Variants in ALOX12 observed in about 807,000 individuals in gnomAD.
ALOX12 encodes the protein arachidonate 12-lipoxygenase, 12S type.
In ALOX12, 62 loss-of-function variants were observed where a neutral mutation model predicts 85.5. The observed-to-expected ratio is 0.73, with a 90% CI of 0.59 to 0.90. ALOX12 has a LOEUF of 0.90. Ranked by LOEUF, ALOX12 falls within the 40% of genes least tolerant of loss-of-function variation. ALOX12 has a pLI of 0.00. For missense variants in ALOX12, 751 were observed against 856.5 expected, an observed-to-expected ratio of 0.88 and a Z score of 1.54; for synonymous variants, 299 against 332.7, an observed-to-expected ratio of 0.90 and a Z score of 1.10.
At position 7,000,008 on chromosome 17, in the gene ALOX12, C is replaced by T. The variant is rs958726967; in HGVS notation, c.808-328C>T. Among the ~76,000 whole-genome samples, 11 of 152,258 alleles carry T rather than the reference C, an allele frequency of 7.2e-5. No homozygotes were observed. The highest frequency in any genetic ancestry group is 2.6e-4 in the African/African-American group (11 of 41,538). ...GAGCTGATAGGAGCCAAAACCAGAG[C>T]GCAGACCATTCGGGAATGATCAGAA... On this transcript the variant is annotated intron_variant, in intron 6 of 13. Coordinates refer to ENST00000251535, the MANE Select transcript of ALOX12 (RefSeq NM_000697.3). This position sits in a 1 kb window ranked among gnomAD's most constrained non-coding sequence, Gnocchi z 4.6.
intron 8 of ALOX12, chr17:7,002,672 G>A: frequency 2.9e-6 from 1 of 345,994 alleles, no homozygotes; most frequent in Non-Finnish European, 5.7e-6. Flanking sequence ...AAAACAGTGA[G>A]TTCCATATAT....
chr17:7,002,555 A>G, intron 8 of ALOX12: 1 of 468,344 alleles, frequency 2.1e-6, no homozygotes, highest in Non-Finnish European at 4.4e-6. Context: ...TGGGTGGCCA[A>G]AGCAGTATGA....
In ALOX12 at chr17:7,010,556, G is replaced by A; in HGVS notation, c.*133G>A. On this transcript the variant is annotated 3_prime_UTR_variant, in exon 14 of 14. Coordinates refer to ENST00000251535, the MANE Select transcript of ALOX12 (RefSeq NM_000697.3). ...TCCCCCAGTTAAACCCCCTACATTA[G>A]TATCCCACTAGCCCAGGGGAGCAGT... 1 of 1,111,710 alleles carries A rather than the reference G, an allele frequency of 9.0e-7. No homozygotes were observed. Among genetic ancestry groups the A allele is most frequent in the Non-Finnish European group, 1.2e-6 (1 of 803,668 alleles). 68.9% of individuals were successfully genotyped at this position (1,111,710 alleles called of 1,614,324 possible). A position where few individuals can be genotyped will look rare whatever the true frequency, so the allele number is the denominator to read the frequency against.
In ALOX12 at chr17:7,006,023, G is replaced by A. The variant is rs1256589488; in HGVS notation, c.1414G>A (p.Ala472Thr). 1.4e-6 allele frequency: 2 copies of A among 1,397,548 alleles called. No individual in the cohort carries two copies. The highest frequency in any genetic ancestry group is 3.9e-5 in the Admixed American group (2 of 51,756). 86.6% of individuals were successfully genotyped at this position (1,397,548 alleles called of 1,614,324 possible). Residue 472 changes from alanine (A) to threonine (T), a missense_variant, in exon 10 of 14, where the codon GCC (alanine) becomes ACC (threonine). Ala to Thr is a moderately conservative substitution (Grantham distance 58). Transcript: ENST00000251535. ...TGCTTTACGGCTCTGGGAGATCATT[G>A]CCAGGTGAGTAAGGAGGAGCTGAGA... ...HDALRLWEII[A>T]RYVEGIVHLF...
intron 11 of ALOX12, among the ~76,000 whole-genome samples, chr17:7,007,010 C>T (rs946579379): frequency 8.5e-5 from 13 of 152,170 alleles, no homozygotes; most frequent in African/African-American, 3.1e-4. Flanking sequence ...CACAAGGACC[C>T]ACCCTGGCTT....
At chr17:7,004,100 T>TTTTA (rs1308902075) in intron 8 of ALOX12, among the ~76,000 whole-genome samples, 1 of 129,468 alleles carries the variant, frequency 7.7e-6, no homozygotes, top group African/African-American at 2.7e-5. Context: ...TTTAATTTAA[T>TTTTA]ATTAAATTAA....
In ALOX12 at chr17:6,996,139, G is replaced by A; in HGVS notation, c.22G>A (p.Val8Met). Reference protein sequence around the residue: MGRYRIRVATGAWLFSGS... With the variant: MGRYRIRMATGAWLFSGS... ...CGCCATGGGCCGCTACCGCATCCGC[G>A]TGGCCACCGGGGCCTGGCTCTTCTC... Residue 8 changes from valine (V) to methionine (M), a missense_variant, in exon 1 of 14, where the codon GTG becomes ATG. By Grantham distance (21) the Val-to-Met change is conservative. Transcript: ENST00000251535. 8.0e-7 allele frequency: 1 copy of A among 1,252,672 alleles called. No individual in the cohort carries two copies. The highest frequency in any genetic ancestry group is 1.0e-6 in the Non-Finnish European group (1 of 991,690). 77.6% of individuals were successfully genotyped at this position (1,252,672 alleles called of 1,614,324 possible).
chr17:6,997,107 C>T, intron 2 of ALOX12, 80 bp downstream of exon 2: 1 of 1,464,778 alleles, frequency 6.8e-7, no homozygotes, highest in Non-Finnish European at 9.0e-7. Flanking sequence ...TAAGGACGGT[C>T]GGAGCAGACT....
At chr17:7,001,360 G>C in intron 7 of ALOX12, 1 of 546,750 alleles carries the variant, frequency 1.8e-6, no homozygotes, top group African/African-American at 1.9e-5. Flanking sequence ...AAAGCAGCAG[G>C]TTTCTCCCAC....
At chr17:6,998,425 C>T (rs933371129) in intron 2 of ALOX12, 84 bp from the exon 3 acceptor site, 25 of 890,834 alleles carry the variant, frequency 2.8e-5, no homozygotes, top group African/African-American at 9.8e-5. Flanking sequence ...ACATGGAATA[C>T]GGCTAACCAC....
In ALOX12 at chr17:7,006,013, G is replaced by A; in HGVS notation, c.1404G>A (p.Trp468Ter). 1.3e-6 allele frequency: 2 copies of A among 1,494,540 alleles called. No homozygotes were observed. The highest frequency in any genetic ancestry group is 1.8e-6 in the Non-Finnish European group (2 of 1,107,982). The allele number at this position is 1,494,540 out of a possible 1,614,324, so 92.6% of individuals were successfully genotyped here. Residue 468 changes from tryptophan (W) to a stop codon, truncating the protein, a stop_gained, in exon 10 of 14, where the codon TGG (tryptophan) becomes TGA (stop). Coordinates refer to ENST00000251535, the MANE Select transcript of ALOX12 (RefSeq NM_000697.3). LOFTEE classifies it high-confidence loss of function. ...ALYAHDALRL[W>*]EIIARYVEGI... ...ATGCCCATGATGCTTTACGGCTCTG[G>A]GAGATCATTGCCAGGTGAGTAAGGA...
In ALOX12 at chr17:6,996,903, G is replaced by A; in HGVS notation, c.213G>A (p.Leu71=). The A allele has an allele frequency of 6.2e-7, 1 of 1,613,772 alleles. No individual in the cohort carries two copies. The highest frequency in any genetic ancestry group is 1.1e-5 in the South Asian group (1 of 91,016). Residue 71 remains leucine (L), a synonymous_variant, in exon 2 of 14, where the codon CTG becomes CTA. Transcript: ENST00000251535. ...TGAGGCTGCGCAAGCACCACTGGCT[G>A]GTGGACGACGCGTGGTTCTGCGACC... The part of the protein sequence containing the change: ...QFVRLRKHHW[L]VDDAWFCDRI...
intron 11 of ALOX12, chr17:7,009,351 G>A (rs1359690806): frequency 1.6e-5 from 3 of 190,554 alleles, no homozygotes; most frequent in Non-Finnish European, 3.3e-5. Flanking sequence ...GAGCCACCGC[G>A]CCCGGCCGCA....
chr17:7,003,207 G>A (rs900026218), intron 8 of ALOX12, among the ~76,000 whole-genome samples: 3 of 152,126 alleles, frequency 2.0e-5, no homozygotes, highest in East Asian at 3.9e-4. Context: ...ATGCCCCAGC[G>A]GACAGCTGAG....
Position 7,001,686 on chromosome 17 carries a change from T to C in ALOX12, c.1036T>C (p.Trp346Arg). The C allele has an allele frequency of 6.2e-7, 1 of 1,614,182 alleles. No homozygotes were observed. The highest frequency in any genetic ancestry group is 1.1e-5 in the South Asian group (1 of 91,082). Residue 346 changes from tryptophan to arginine, a missense_variant, in exon 8 of 14, where the codon TGG (tryptophan) becomes CGG (arginine). Trp to Arg is a moderately radical substitution (Grantham distance 101, BLOSUM62 -3). Coordinates refer to ENST00000251535, the MANE Select transcript of ALOX12 (RefSeq NM_000697.3). Reference protein sequence around the residue: ...PPLAWLLAKSWVRNSDFQLHE... With the variant: ...PPLAWLLAKSRVRNSDFQLHE... ...ACTTGCCTGGCTCCTGGCAAAGTCC[T>C]GGGTCCGAAATTCAGATTTCCAACT...
At position 6,997,481 on chromosome 17, in the gene ALOX12, G is replaced by A. The variant is rs74731432; in HGVS notation, c.337+454G>A. On this transcript the variant is annotated intron_variant, in intron 2 of 13. Coordinates refer to ENST00000251535, the MANE Select transcript of ALOX12 (RefSeq NM_000697.3). ...AGAGCTGGTTTGGTTGGAATAACAC[G>A]GAAGACACCCGTGAAAGACAAGAAG... 3.6e-3 allele frequency among the ~76,000 whole-genome samples: 549 copies of A among 152,110 alleles called. 5 individuals are homozygous for A. The highest frequency in any genetic ancestry group is 0.013 in the African/African-American group (528 of 41,482).
In ALOX12 at chr17:7,010,430, G is replaced by C. The variant is rs1290838732; in HGVS notation, c.*7G>C. 1.2e-6 allele frequency: 2 copies of C among 1,609,590 alleles called. No individual in the cohort carries two copies. Among genetic ancestry groups the C allele is most frequent in the Non-Finnish European group, 8.5e-7 (1 of 1,177,908 alleles). On this transcript the variant is annotated 3_prime_UTR_variant, in exon 14 of 14. Transcript: ENST00000251535. Reference sequence around the variant, plus strand: ...GAACAGTGTCACCATCTGAGCCCTAGAGTGACTCTACCTGCAAGATTTCAC... The same window carrying C: ...GAACAGTGTCACCATCTGAGCCCTACAGTGACTCTACCTGCAAGATTTCAC...
intron 11 of ALOX12, among the ~76,000 whole-genome samples, chr17:7,008,882 G>C (rs938396504): frequency 6.6e-6 from 1 of 152,134 alleles, no homozygotes; most frequent in Non-Finnish European, 1.5e-5. Context: ...TTATAACGCA[G>C]ACACTTGTAA....
intron 11 of ALOX12, among the ~76,000 whole-genome samples, chr17:7,008,256 C>T (rs886717759): frequency 2.6e-5 from 4 of 152,208 alleles, no homozygotes; most frequent in African/African-American, 4.8e-5. Context: ...CACCCTCCCC[C>T]CTGTTCTCTT....
Sources: gnomAD v4.1 joint callset for allele counts (sites outside exome capture counted in the v4.1 genomes callset) on GRCh38, gnomAD v4.1.1 for gene constraint, Gnocchi (gnomAD v3.1) non-coding constraint, MANE v1.5 for transcripts, NCBI Gene and HGNC (gene_info 2026-07-23, HGNC 2026-07-21) for gene names.